The following EYS variants were observed in gnomAD, a reference collection of about 807,000 sequenced individuals.
EYS encodes EGF-like photoreceptor maintenance factor.
A neutral mutation model predicts 282.1 loss-of-function variants in EYS; 250 were observed. That is an observed-to-expected ratio of 0.89 (90% CI 0.80 to 0.98). The LOEUF is 0.98. Ranked by LOEUF, EYS falls within the 50% of genes least tolerant of loss-of-function variation. The pLI, the probability that EYS is intolerant of heterozygous loss-of-function variation, is 0.00. For synonymous variants in EYS, 1,355 were observed against 1,282.9 expected, an observed-to-expected ratio of 1.06 and a Z score of -1.20; for missense variants, 4,016 against 3,709.0, an observed-to-expected ratio of 1.08 and a Z score of -2.15.
rs577426129 is a variant in EYS at position 65,181,822 on chromosome 6, G to T, written c.2023+114041C>A. Among the ~76,000 whole-genome samples, 1,035 of 152,010 alleles carry T rather than the reference G, an allele frequency of 6.8e-3. 12 individuals carry two copies. The highest frequency in any genetic ancestry group is 0.022 in the African/African-American group (917 of 41,504). ...TGGAACCAACCCAAATGTCCAACAA[G>T]GATAGACTGGATTAAGAAAATGTGT... On this transcript the variant is annotated intron_variant, in intron 12 of 42. Coordinates refer to ENST00000503581, the MANE Select transcript of EYS (RefSeq NM_001142800.2).
intron 12 of EYS, among the ~76,000 whole-genome samples, chr6:65,092,627 G>A (rs1774607436): frequency 6.6e-6 from 1 of 152,068 alleles, no homozygotes; most frequent in Non-Finnish European, 1.5e-5. Context: ...ATGCAGCCAG[G>A]CATAGTTTTT....
At chr6:65,074,885 C>A (rs1774001043) in intron 12 of EYS, among the ~76,000 whole-genome samples, 1 of 151,994 alleles carries the variant, frequency 6.6e-6, no homozygotes, top group Non-Finnish European at 1.5e-5. Flanking sequence ...CATGCAAAAA[C>A]AGAAGAAACG....
chr6:64,975,935 A>G (rs1425998195), intron 14 of EYS, among the ~76,000 whole-genome samples: 1 of 151,942 alleles, frequency 6.6e-6, no homozygotes, highest in Non-Finnish European at 1.5e-5. Context: ...CTAATTTGAT[A>G]AAACATTTTA....
intron 2 of EYS, among the ~76,000 whole-genome samples, chr6:65,586,905 G>T (rs923343540): frequency 1.3e-5 from 2 of 151,854 alleles, no homozygotes; most frequent in African/African-American, 4.8e-5. Context: ...ATTTCAGTAC[G>T]ATTTTTTTTC....
intron 1 of EYS, among the ~76,000 whole-genome samples, chr6:65,672,413 GA>G (rs2149833216): frequency 6.6e-6 from 1 of 152,164 alleles, no homozygotes; most frequent in Non-Finnish European, 1.5e-5. Flanking sequence ...CCCTAATTAG[GA>G]ATTTACAAAT....
chr6:64,796,347 C>T (rs1215544208), intron 22 of EYS, among the ~76,000 whole-genome samples: 2 of 152,050 alleles, frequency 1.3e-5, no homozygotes, highest in African/African-American at 4.8e-5. Context: ...AGGAGAGAAA[C>T]AGCTGACCAG....
chr6:65,176,587 C>T (rs531101), intron 12 of EYS, among the ~76,000 whole-genome samples: 57,293 of 151,280 alleles, frequency 0.38, 12,082 homozygotes, highest in African/African-American at 0.57. Context: ...TTGTCTATAT[C>T]AACTTCCATT....
At chr6:63,946,353 T>C (rs1765396673) in intron 35 of EYS, among the ~76,000 whole-genome samples, 1 of 152,214 alleles carries the variant, frequency 6.6e-6, no homozygotes, top group African/African-American at 2.4e-5. Context: ...AATTATAAAG[T>C]TAATATTGAA....
intron 22 of EYS, among the ~76,000 whole-genome samples, chr6:64,708,703 T>A (rs1400242487): frequency 6.6e-6 from 1 of 152,214 alleles, no homozygotes; most frequent in African/African-American, 2.4e-5. Context: ...TTACCTAAAC[T>A]TGGATTTTCC....
At chr6:64,865,313 A>G (rs969820797) in intron 19 of EYS, among the ~76,000 whole-genome samples, 19 of 152,146 alleles carry the variant, frequency 1.2e-4, no homozygotes, top group African/African-American at 3.6e-4. Flanking sequence ...AAGAGATCAT[A>G]TAATAGATAT....
chr6:63,989,117 GAGGTGATTATAAATATACTTTTCGGTTA>G (rs563921234), intron 34 of EYS, among the ~76,000 whole-genome samples: 20 of 151,698 alleles, frequency 1.3e-4, no homozygotes, highest in Non-Finnish European at 2.2e-4. Flanking sequence ...AAAATATGGA[GAGGTGATTATAAATATACTTTTCGGTTA>G]AGATGAATTA....
At position 64,768,850 on chromosome 6, in the gene EYS, C is replaced by G. The variant is rs183666896; in HGVS notation, c.3443+44528G>C. 2.0e-5 allele frequency among the ~76,000 whole-genome samples: 3 copies of G among 152,192 alleles called. No homozygotes were observed. In the East Asian group the frequency reaches 5.8e-4, roughly 29 times the overall value. ...TCATATCTTCTACCCTTCCGTTATT[C>G]ATGTCTGTGAAGGCAGCAGGAGATC... On this transcript the variant is annotated intron_variant, in intron 22 of 42. Coordinates refer to ENST00000503581, the MANE Select transcript of EYS (RefSeq NM_001142800.2).
intron 14 of EYS, among the ~76,000 whole-genome samples, chr6:64,946,355 T>A (rs2150096442): frequency 6.6e-6 from 1 of 152,122 alleles, no homozygotes; most frequent in Non-Finnish European, 1.5e-5. Context: ...CAGATAAATA[T>A]TTAAAATAAA....
At chr6:63,754,779 A>C (rs1001147324) in intron 41 of EYS, among the ~76,000 whole-genome samples, 5 of 152,144 alleles carry the variant, frequency 3.3e-5, no homozygotes. Context: ...TGTCTTCTAC[A>C]ATGGTTGAAC....
At chr6:64,116,949 A>G (rs1318183568) in intron 31 of EYS, among the ~76,000 whole-genome samples, 1 of 152,116 alleles carries the variant, frequency 6.6e-6, no homozygotes, top group Non-Finnish European at 1.5e-5. Flanking sequence ...GAAGAGACAG[A>G]CAGTAATATA....
chr6:65,571,466 A>G lies in EYS; in HGVS notation c.-333+68312T>C, dbSNP rs530476304. On this transcript the variant is annotated intron_variant, in intron 2 of 42. Transcript: ENST00000503581. The stretch of plus-strand genomic sequence containing the variant: ...TTTACAAATAGAAATTTCCTTTATA[A>G]ATATACTTTTCCCTTATAAAAGTGT... Among the ~76,000 whole-genome samples the G allele has an allele frequency of 2.6e-4, 39 of 152,100 alleles. No individual in the cohort carries two copies. The South Asian group carries it at 7.7e-3, about 30-fold the overall frequency.
chr6:65,006,892 A>T (rs1771684034), intron 13 of EYS, among the ~76,000 whole-genome samples: 1 of 152,202 alleles, frequency 6.6e-6, no homozygotes, highest in African/African-American at 2.4e-5. Context: ...ATCTCAATCC[A>T]GACTCAAAAG....
chr6:65,215,034 G>C (rs555127432), intron 12 of EYS, among the ~76,000 whole-genome samples: 6 of 152,192 alleles, frequency 3.9e-5, no homozygotes, highest in Admixed American at 2.0e-4. Context: ...CAAGAGATCT[G>C]ATGAAGAGGT....
intron 5 of EYS, among the ~76,000 whole-genome samples, chr6:65,470,753 T>C (rs1765179022): frequency 2.0e-5 from 3 of 152,182 alleles, no homozygotes; most frequent in Admixed American, 2.0e-4. Context: ...ATTTGACATG[T>C]CATCCACATT....
Sources: gnomAD v4.1 joint callset for allele counts (sites outside exome capture counted in the v4.1 genomes callset) on GRCh38, gnomAD v4.1.1 for gene constraint, MANE v1.5 for transcripts, NCBI Gene and HGNC (gene_info 2026-07-23, HGNC 2026-07-21) for gene names.